SENP6: variants seen among roughly 807,000 people sequenced by gnomAD.
SENP6 encodes the protein SUMO specific peptidase 6.
SENP6 carries 41 observed loss-of-function variants against 134.5 expected under a neutral mutation model. The observed-to-expected ratio is 0.30, with a 90% confidence interval of 0.24 to 0.40. SENP6 has a LOEUF of 0.40. Among genes scored for constraint, SENP6 ranks in the 10% least tolerant of loss-of-function variants. SENP6 has a pLI of 1.00. For synonymous variants in SENP6, 395 were observed against 429.8 expected (o/e 0.92, Z 1.00); for missense variants, 1,248 against 1,312.5 (o/e 0.95, Z 0.76).
At position 75,666,850 on chromosome 6, in the gene SENP6, C is replaced by T. The variant is rs772380466; in HGVS notation, c.1133C>T (p.Thr378Ile). ...GTAGAAGCAGCGCTAAATGAAAATA[C>T]TTGCAGAGCAGAGCGTGAACTACGA... ...GKVEAALNENTCRAERELRSI... is the reference protein window; with the variant it reads ...GKVEAALNENICRAERELRSI... Residue 378 changes from threonine to isoleucine, a missense_variant, in exon 10 of 24, where the codon ACT becomes ATT. By Grantham distance (89) the Thr-to-Ile change is moderately conservative. Around this residue, in one of 3 missense-constraint regions of SENP6, gnomAD observed 733 missense variants for 725.4 expected, o/e 1.01. Coordinates refer to ENST00000447266, the MANE Select transcript of SENP6 (RefSeq NM_015571.4). The T allele has an allele frequency of 6.2e-7, 1 of 1,613,754 alleles. No individual in the cohort carries two copies. Among genetic ancestry groups the T allele is most frequent in the African/African-American group, 1.3e-5 (1 of 75,042 alleles).
intron 18 of SENP6, among the ~76,000 whole-genome samples, chr6:75,701,920 G>A (rs978084844): frequency 2.6e-5 from 4 of 151,976 alleles, no homozygotes; most frequent in Admixed American, 2.0e-4. Flanking sequence ...GATTACAGGC[G>A]TGAGCCACCG....
intron 5 of SENP6, among the ~76,000 whole-genome samples, chr6:75,635,211 A>G (rs1461729907): frequency 2.0e-5 from 3 of 152,158 alleles, no homozygotes; most frequent in Non-Finnish European, 4.4e-5. Flanking sequence ...AACAAGTCAC[A>G]TTAGTTTTAA....
intron 6 of SENP6, among the ~76,000 whole-genome samples, chr6:75,644,586 GC>G (rs1770290615): frequency 6.6e-6 from 1 of 151,864 alleles, no homozygotes; most frequent in South Asian, 2.1e-4. Context: ...TCAGGTTCAA[GC>G]AATTCTTGTG....
At chr6:75,711,267 T>G in intron 20 of SENP6, 61 bp from the exon 21 acceptor site, 1 of 1,214,368 alleles carries the variant, frequency 8.2e-7, no homozygotes, top group Non-Finnish European at 1.2e-6. Flanking sequence ...TGCTATTTTG[T>G]TAGGTTATTA....
At position 75,715,243 on chromosome 6, in the gene SENP6, A is replaced by T. The variant is rs1775964805; in HGVS notation, c.3130-142A>T. 4 of 646,018 alleles carry T rather than the reference A, an allele frequency of 6.2e-6. No individual in the cohort carries two copies. The East Asian group carries it at 1.1e-4, about 17-fold the overall frequency. The allele number at this position is 646,018 out of a possible 1,614,324, so 40.0% of individuals were successfully genotyped here. A position where few individuals can be genotyped will look rare whatever the true frequency, so the allele number is the denominator to read the frequency against. On this transcript the variant is annotated intron_variant, in intron 23 of 23. Coordinates refer to ENST00000447266, the MANE Select transcript of SENP6 (RefSeq NM_015571.4). ...TTGTATCTCCAATACCTAACACAGT[A>T]CTTGGCATGTGATAGATAATACAGA...
chr6:75,606,762 A>C (rs1767059830), intron 1 of SENP6, among the ~76,000 whole-genome samples: 1 of 151,086 alleles, frequency 6.6e-6, no homozygotes, highest in Non-Finnish European at 1.5e-5. Flanking sequence ...TAATATAATA[A>C]AATTTGCAAA....
At chr6:75,715,340 GTTAT>G (rs777898579) in intron 23 of SENP6, 41 bp from the exon 24 acceptor site, 9 of 1,348,922 alleles carry the variant, frequency 6.7e-6, no homozygotes, top group Non-Finnish European at 8.3e-6. Flanking sequence ...GAAATGAAAG[GTTAT>G]TTATTACAGT....
At chr6:75,671,665 T>G (rs1582822947) in intron 11 of SENP6, among the ~76,000 whole-genome samples, 1 of 152,152 alleles carries the variant, frequency 6.6e-6, no homozygotes, top group Admixed American at 6.5e-5. Context: ...GAGGTTGCAG[T>G]GAGCCGAGAC....
At chr6:75,647,865 AG>A in intron 7 of SENP6, 64 bp downstream of exon 7, 2 of 1,235,954 alleles carry the variant, frequency 1.6e-6, no homozygotes, top group Middle Eastern at 3.8e-4. Context: ...AGTACAATGG[AG>A]ATACGATGCT....
At chr6:75,614,288 CAG>C (rs988578726) in intron 1 of SENP6, among the ~76,000 whole-genome samples, 6 of 143,652 alleles carry the variant, frequency 4.2e-5, no homozygotes, top group Admixed American at 2.9e-4. Flanking sequence ...TTGTTTGAGA[CAG>C]AGTCTGGCTC....
chr6:75,696,010 A>C, intron 17 of SENP6, 87 bp downstream of exon 17: 6 of 1,177,904 alleles, frequency 5.1e-6, no homozygotes, highest in East Asian at 2.6e-5. Flanking sequence ...GAAAACACAA[A>C]TCTCTGCAGT....
chr6:75,695,051 T>A (rs542492429), intron 16 of SENP6, among the ~76,000 whole-genome samples: 130 of 152,166 alleles, frequency 8.5e-4, no homozygotes, highest in African/African-American at 3.0e-3. Context: ...AATTTTTGTA[T>A]TTTTAGTAGA....
intron 9 of SENP6, among the ~76,000 whole-genome samples, chr6:75,665,003 T>C (rs1439134352): frequency 6.6e-6 from 1 of 152,178 alleles, no homozygotes; most frequent in Non-Finnish European, 1.5e-5. Flanking sequence ...AAGTGATATT[T>C]AGGCTGGGCG....
chr6:75,624,628 G>A (rs960802317), intron 3 of SENP6, among the ~76,000 whole-genome samples: 1 of 152,048 alleles, frequency 6.6e-6, no homozygotes, highest in African/African-American at 2.4e-5. Context: ...TTTTTGTGAG[G>A]TTGAACATCA....
intron 16 of SENP6, among the ~76,000 whole-genome samples, chr6:75,683,191 CTGTATAGA>C (rs1380796352): frequency 1.3e-5 from 2 of 152,136 alleles, no homozygotes; most frequent in African/African-American, 4.8e-5. Context: ...TGTCTGTTCG[CTGTATAGA>C]TGTCTTCTTT....
chr6:75,648,628 A>C (rs181695629), intron 7 of SENP6, among the ~76,000 whole-genome samples: 1 of 152,170 alleles, frequency 6.6e-6, no homozygotes. Flanking sequence ...AACAGTCTTT[A>C]TAGATGTGAA....
chr6:75,704,750 A>C (rs1192972097), intron 19 of SENP6, among the ~76,000 whole-genome samples: 1 of 152,184 alleles, frequency 6.6e-6, no homozygotes, highest in East Asian at 1.9e-4. Context: ...GACAATACCC[A>C]GCTTTCCAGG....
At chr6:75,708,467 T>G (rs1447282915) in intron 19 of SENP6, among the ~76,000 whole-genome samples, 1 of 152,288 alleles carries the variant, frequency 6.6e-6, no homozygotes, top group East Asian at 1.9e-4. Context: ...GGTGTGCACC[T>G]GTAATCCCAG....
intron 16 of SENP6, among the ~76,000 whole-genome samples, chr6:75,685,272 A>T (rs1773747712): frequency 6.6e-6 from 1 of 150,640 alleles, no homozygotes; most frequent in South Asian, 2.1e-4. Flanking sequence ...CATCTATTTG[A>T]TTCTTCTTTA....
Sources: gnomAD v4.1 joint callset for allele counts (sites outside exome capture counted in the v4.1 genomes callset) on GRCh38, gnomAD v4.1.1 for gene constraint, gnomAD v4.1.1 regional missense constraint, MANE v1.5 for transcripts, NCBI Gene and HGNC (gene_info 2026-07-23, HGNC 2026-07-21) for gene names.